Variants in CEP128 observed in about 807,000 individuals in gnomAD.
CEP128 encodes centrosomal protein 128.
CEP128 carries 132 observed loss-of-function variants against 156.7 expected under a neutral mutation model. The ratio of observed to expected loss-of-function variants is 0.84; its 90% CI spans 0.73 to 0.97. The LOEUF is 0.97. Among genes scored for constraint, CEP128 ranks in the 50% least tolerant of loss-of-function variants. The pLI is 0.00. For synonymous variants in CEP128, 469 were observed against 448.9 expected, an observed-to-expected ratio of 1.04 and a Z score of -0.57; for missense variants, 1,252 against 1,281.9, an observed-to-expected ratio of 0.98 and a Z score of 0.36.
chr14:80,612,721 T>G (rs1893042180), intron 19 of CEP128, among the ~76,000 whole-genome samples: 1 of 152,222 alleles, frequency 6.6e-6, no homozygotes, highest in Non-Finnish European at 1.5e-5. Flanking sequence ...CATTCTGAGT[T>G]GTACTTGACA....
intron 19 of CEP128, among the ~76,000 whole-genome samples, chr14:80,705,163 T>C (rs1017627480): frequency 5.9e-5 from 9 of 152,162 alleles, no homozygotes; most frequent in Non-Finnish European, 1.2e-4. Flanking sequence ...TCCCAAAATT[T>C]TTTAAAGTTT....
chr14:80,728,686 C>T (rs1295667046), intron 19 of CEP128, among the ~76,000 whole-genome samples: 4 of 152,050 alleles, frequency 2.6e-5, no homozygotes, highest in Non-Finnish European at 5.9e-5. Flanking sequence ...TTATTGTTAA[C>T]GTATTTCAGC....
chr14:80,546,866 C>G (rs1487238954), intron 21 of CEP128, among the ~76,000 whole-genome samples: 2 of 152,024 alleles, frequency 1.3e-5, no homozygotes, highest in Non-Finnish European at 2.9e-5. Context: ...GTTTGATGTT[C>G]AAATGTAATG....
chr14:80,720,135 A>C (rs758922680), intron 19 of CEP128, among the ~76,000 whole-genome samples: 5 of 152,062 alleles, frequency 3.3e-5, no homozygotes, highest in Non-Finnish European at 7.3e-5. Context: ...GGGGCAAAAA[A>C]ACTACTGTGA....
intron 19 of CEP128, among the ~76,000 whole-genome samples, chr14:80,622,577 T>A (rs1489017073): frequency 2.7e-5 from 4 of 149,854 alleles, no homozygotes; most frequent in East Asian, 2.0e-4. Context: ...AGGGCTAATA[T>A]CCAGAATCTA....
chr14:80,502,038 A>C (rs778572787), intron 24 of CEP128, among the ~76,000 whole-genome samples: 4 of 152,184 alleles, frequency 2.6e-5, no homozygotes, highest in Admixed American at 6.5e-5. Flanking sequence ...TTTGCATATA[A>C]TTAAAAGTGG....
At chr14:80,497,963 T>C (rs553725341) in intron 24 of CEP128, among the ~76,000 whole-genome samples, 2 of 152,326 alleles carry the variant, frequency 1.3e-5, no homozygotes, top group Non-Finnish European at 2.9e-5. Context: ...TTACAACTTC[T>C]AGTCTATTGA....
chr14:80,854,415 A>G (rs1887043849), intron 9 of CEP128, among the ~76,000 whole-genome samples: 1 of 152,176 alleles, frequency 6.6e-6, no homozygotes, highest in African/African-American at 2.4e-5. Flanking sequence ...TTTTCTAAAA[A>G]CGAATACATG....
At chr14:80,946,779 G>A (rs374313066) in intron 2 of CEP128, among the ~76,000 whole-genome samples, 15 of 152,274 alleles carry the variant, frequency 9.9e-5, no homozygotes, top group African/African-American at 2.9e-4. Context: ...ATACAACTAT[G>A]AAACAACAAC....
intron 19 of CEP128, among the ~76,000 whole-genome samples, chr14:80,590,789 T>G (rs1892022869): frequency 6.6e-6 from 1 of 152,164 alleles, no homozygotes; most frequent in Non-Finnish European, 1.5e-5. Context: ...AGGGAACATT[T>G]AAGACTAACA....
chr14:80,600,984 A>C (rs1359287858), intron 19 of CEP128, among the ~76,000 whole-genome samples: 1 of 152,112 alleles, frequency 6.6e-6, no homozygotes, highest in Non-Finnish European at 1.5e-5. Context: ...AAGAATATAC[A>C]TGAAGATGAT....
chr14:80,861,750 T>C (rs1887523168), intron 9 of CEP128, among the ~76,000 whole-genome samples: 2 of 152,206 alleles, frequency 1.3e-5, no homozygotes, highest in African/African-American at 4.8e-5. Flanking sequence ...GAATAAAACG[T>C]ATAGATTAAG....
chr14:80,774,995 C>T (rs1467031486), intron 16 of CEP128, among the ~76,000 whole-genome samples: 1 of 152,072 alleles, frequency 6.6e-6, no homozygotes. Context: ...TTAGGCTGAC[C>T]GTAGGCAGTC....
intron 19 of CEP128, among the ~76,000 whole-genome samples, chr14:80,714,470 T>C (rs1220542499): frequency 6.6e-6 from 1 of 152,018 alleles, no homozygotes; most frequent in Non-Finnish European, 1.5e-5. Flanking sequence ...TTTTTGTGTA[T>C]ATGTGAATAT....
chr14:80,876,033 A>G (rs977616413), intron 8 of CEP128, among the ~76,000 whole-genome samples: 1 of 152,170 alleles, frequency 6.6e-6, no homozygotes, highest in African/African-American at 2.4e-5. Flanking sequence ...AAGAAGAAAG[A>G]ATTAAAACTG....
chr14:80,859,643 T>C (rs1328868734), intron 9 of CEP128, among the ~76,000 whole-genome samples: 1 of 152,044 alleles, frequency 6.6e-6, no homozygotes, highest in Non-Finnish European at 1.5e-5. Context: ...AAAAAGGAAG[T>C]GGATTCCTGG....
intron 19 of CEP128, among the ~76,000 whole-genome samples, chr14:80,626,383 G>A (rs1239797002): frequency 6.8e-6 from 1 of 147,120 alleles, no homozygotes; most frequent in African/African-American, 2.5e-5. Context: ...AGAATGGCGT[G>A]AACCCGGGAA....
intron 19 of CEP128, among the ~76,000 whole-genome samples, chr14:80,600,460 C>T (rs547836542): frequency 1.3e-5 from 2 of 152,072 alleles, no homozygotes; most frequent in East Asian, 1.9e-4. Context: ...ATTACATATT[C>T]GAAGGGATAA....
At chr14:80,523,643 T>A (rs562836686) in intron 23 of CEP128, among the ~76,000 whole-genome samples, 1 of 152,216 alleles carries the variant, frequency 6.6e-6, no homozygotes, top group Non-Finnish European at 1.5e-5. Context: ...TTTTGTTTCA[T>A]TTTGTTCACT....
Sources: allele counts gnomAD v4.1 joint callset (sites outside exome capture counted in the v4.1 genomes callset), GRCh38; gene constraint gnomAD v4.1.1; transcripts MANE v1.5; gene names NCBI Gene and HGNC (gene_info 2026-07-23, HGNC 2026-07-21).